The following IMMP2L variants were observed in gnomAD, a reference collection of about 807,000 sequenced individuals.
IMMP2L encodes the protein mitochondrial inner membrane protease subunit 2.
Under a neutral mutation model 19.3 loss-of-function variants are expected in IMMP2L, and 18 were observed. That is an observed-to-expected ratio of 0.93 (90% CI 0.64 to 1.38). The LOEUF (loss-of-function observed/expected upper bound fraction) is 1.38. Ranked by LOEUF, IMMP2L falls within the 40% of genes most tolerant of loss-of-function variation. The pLI, the probability that IMMP2L is intolerant of heterozygous loss-of-function variation, is 0.00. For synonymous variants in IMMP2L, 76 were observed against 73.0 expected (o/e 1.04, Z -0.21); for missense variants, 233 against 218.2 (o/e 1.07, Z -0.43).
chr7:110,758,876 T>C lies in IMMP2L; in HGVS notation c.409-95155A>G, dbSNP rs1798184958. ...TGCCAAATCTCTCTGACATTGCTGC[T>C]ACAGAACTTCATGGAGAGAAAAAAA... On this transcript the variant is annotated intron_variant, in intron 5 of 5. Transcript: ENST00000405709. This position sits in a 1 kb window ranked among gnomAD's most constrained non-coding sequence, Gnocchi z 4.6. 6.6e-6 allele frequency among the ~76,000 whole-genome samples: 1 copy of C among 152,048 alleles called. No individual in the cohort carries two copies. Among genetic ancestry groups the C allele is most frequent in the Non-Finnish European group, 1.5e-5 (1 of 67,998 alleles).
Position 110,900,586 on chromosome 7 carries a change from C to T in IMMP2L, c.306-13891G>A, listed in dbSNP as rs191826772. Among the ~76,000 whole-genome samples the T allele has an allele frequency of 1.9e-3, 283 of 152,264 alleles. 1 individual carries two copies. Among genetic ancestry groups the T allele is most frequent in the Non-Finnish European group, 2.5e-3 (171 of 68,026 alleles). On this transcript the variant is annotated intron_variant, in intron 4 of 5. Coordinates refer to ENST00000405709, the MANE Select transcript of IMMP2L (RefSeq NM_032549.4). ...TACTGAACATTTTCCAGTGGATTCC[C>T]ATCACAGTTAAAATAAAATACGAAC...
intron 3 of IMMP2L, among the ~76,000 whole-genome samples, chr7:111,131,123 A>C (rs1227692641): frequency 2.6e-5 from 4 of 152,010 alleles, no homozygotes; most frequent in Admixed American, 2.6e-4. Flanking sequence ...CGGATATGGC[A>C]TATATAAAAT....
chr7:110,828,947 T>C (rs1398132640), intron 5 of IMMP2L, among the ~76,000 whole-genome samples: 1 of 152,184 alleles, frequency 6.6e-6, no homozygotes, highest in African/African-American at 2.4e-5. Context: ...TTCTGTGCCT[T>C]CTAAGTCTTC....
chr7:110,798,532 T>C (rs1356998756), intron 5 of IMMP2L, among the ~76,000 whole-genome samples: 2 of 152,036 alleles, frequency 1.3e-5, no homozygotes, highest in African/African-American at 4.8e-5. Flanking sequence ...AGAGAATCTC[T>C]AACTTTTGGC....
chr7:111,338,218 G>T (rs1245881910), intron 3 of IMMP2L, among the ~76,000 whole-genome samples: 1 of 152,144 alleles, frequency 6.6e-6, no homozygotes, highest in Non-Finnish European at 1.5e-5. Flanking sequence ...TTTAACAGAG[G>T]AGAGTGTTTG....
intron 3 of IMMP2L, among the ~76,000 whole-genome samples, chr7:111,464,854 C>A (rs570036401): frequency 6.6e-6 from 1 of 152,060 alleles, no homozygotes; most frequent in East Asian, 1.9e-4. Context: ...AGTGGTGCGA[C>A]CTCGCCTCAC....
At chr7:110,667,784 G>GTGC (rs1208420310) in intron 5 of IMMP2L, among the ~76,000 whole-genome samples, 1 of 152,210 alleles carries the variant, frequency 6.6e-6, no homozygotes, top group African/African-American at 2.4e-5. Flanking sequence ...TAGTATATTT[G>GTGC]TGCTGTTGTA....
intron 5 of IMMP2L, among the ~76,000 whole-genome samples, chr7:110,819,925 A>G (rs1252934928): frequency 6.6e-6 from 1 of 152,082 alleles, no homozygotes; most frequent in African/African-American, 2.4e-5. Context: ...TCTTTTAAAC[A>G]ATATTTACAT....
In IMMP2L at chr7:111,213,447, G is replaced by T. The variant is rs552704001; in HGVS notation, c.240-249882C>A. On this transcript the variant is annotated intron_variant, in intron 3 of 5. Coordinates refer to ENST00000405709, the MANE Select transcript of IMMP2L (RefSeq NM_032549.4). The surrounding 1 kb of genome is among the most constrained non-coding windows in gnomAD (Gnocchi z 4.8). ...AGGCAGACGCGCTCCTGAGTGGAAG[G>T]GGGTGGGTCCCTAGCAAGGCCCCAC... Among the ~76,000 whole-genome samples, 2 of 152,144 alleles carry T rather than the reference G, an allele frequency of 1.3e-5. No individual in the cohort carries two copies. Among genetic ancestry groups the T allele is most frequent in the African/African-American group, 2.4e-5 (1 of 41,418 alleles).
At chr7:111,046,320 TA>T (rs1563190245) in intron 3 of IMMP2L, among the ~76,000 whole-genome samples, 1 of 151,512 alleles carries the variant, frequency 6.6e-6, no homozygotes, top group African/African-American at 2.4e-5. Context: ...ATAATGCAAT[TA>T]AAAAAATAAA....
chr7:110,767,028 T>C (rs1044152161), intron 5 of IMMP2L, among the ~76,000 whole-genome samples: 5 of 152,206 alleles, frequency 3.3e-5, no homozygotes, highest in Non-Finnish European at 7.3e-5. Flanking sequence ...ACTTCATTAA[T>C]GATTACGTGG....
intron 3 of IMMP2L, among the ~76,000 whole-genome samples, chr7:111,090,473 G>C (rs1195704881): frequency 1.3e-5 from 2 of 151,960 alleles, no homozygotes; most frequent in African/African-American, 4.8e-5. Context: ...ATCATATAAA[G>C]AGAAGTCAGT....
intron 3 of IMMP2L, among the ~76,000 whole-genome samples, chr7:111,064,430 T>G (rs1225182362): frequency 2.2e-4 from 33 of 152,184 alleles, no homozygotes. Flanking sequence ...GATAATACTT[T>G]GCAGGGCTGG....
At chr7:110,696,742 C>T (rs1203468155) in intron 5 of IMMP2L, among the ~76,000 whole-genome samples, 2 of 151,998 alleles carry the variant, frequency 1.3e-5, no homozygotes, top group African/African-American at 4.8e-5. Flanking sequence ...TGAGACATTT[C>T]TGTGGTATGA....
At chr7:110,954,353 T>C (rs1354831033) in intron 4 of IMMP2L, among the ~76,000 whole-genome samples, 1 of 152,096 alleles carries the variant, frequency 6.6e-6, no homozygotes, top group Non-Finnish European at 1.5e-5. Flanking sequence ...TTGTTGTCTT[T>C]CCACCAGACT....
At chr7:110,885,398 T>C (rs1810116239) in intron 5 of IMMP2L, among the ~76,000 whole-genome samples, 1 of 151,526 alleles carries the variant, frequency 6.6e-6, no homozygotes, top group African/African-American at 2.4e-5. Flanking sequence ...TTTAGGAAAA[T>C]GTAATGAGTG....
At chr7:110,826,419 A>G (rs185040764) in intron 5 of IMMP2L, among the ~76,000 whole-genome samples, 45 of 152,326 alleles carry the variant, frequency 3.0e-4, no homozygotes, top group Non-Finnish European at 5.0e-4. Flanking sequence ...TCACAATAGC[A>G]AAGACTTGGA....
chr7:111,163,569 A>T (rs189712263), intron 3 of IMMP2L, among the ~76,000 whole-genome samples: 30 of 152,216 alleles, frequency 2.0e-4, no homozygotes, highest in African/African-American at 6.3e-4. Flanking sequence ...TTGTCATAGA[A>T]CATTAAATTA....
chr7:111,059,712 CA>C (rs1793841002), intron 3 of IMMP2L, among the ~76,000 whole-genome samples: 1 of 152,042 alleles, frequency 6.6e-6, no homozygotes, highest in African/African-American at 2.4e-5. Context: ...AGCTACTGCT[CA>C]AAATTTTAAC....
Sources: allele counts gnomAD v4.1 joint callset (sites outside exome capture counted in the v4.1 genomes callset), GRCh38; gene constraint gnomAD v4.1.1; non-coding constraint Gnocchi (gnomAD v3.1); transcripts MANE v1.5; gene names NCBI Gene and HGNC (gene_info 2026-07-23, HGNC 2026-07-21).